Variants in DOK6 observed in about 807,000 individuals in gnomAD.
DOK6 encodes downstream of tyrosine kinase 6.
DOK6 carries 22 observed loss-of-function variants against 44.0 expected under a neutral mutation model. That is an observed-to-expected ratio of 0.50 (90% CI 0.36 to 0.71). DOK6 has a LOEUF of 0.71. DOK6 is among the 30% of genes least tolerant of loss of function. DOK6 has a pLI of 0.00. For missense variants in DOK6, 340 were observed against 416.4 expected, an observed-to-expected ratio of 0.82 and a Z score of 1.60; for synonymous variants, 166 against 145.5, an observed-to-expected ratio of 1.14 and a Z score of -1.01.
chr18:69,521,545 T>TA (rs756398921), intron 1 of DOK6, among the ~76,000 whole-genome samples: 6 of 151,916 alleles, frequency 3.9e-5, no homozygotes, highest in Non-Finnish European at 8.8e-5. Context: ...TAAGTCCATT[T>TA]AAAAAAGACA....
intron 1 of DOK6, among the ~76,000 whole-genome samples, chr18:69,440,654 A>G (rs1486457539): frequency 6.6e-6 from 1 of 151,932 alleles, no homozygotes; most frequent in Non-Finnish European, 1.5e-5. Flanking sequence ...GTCCTCTAGC[A>G]TTTATTGTGT....
chr18:69,622,501 A>C (rs1433312716), intron 3 of DOK6, among the ~76,000 whole-genome samples: 1 of 152,182 alleles, frequency 6.6e-6, no homozygotes, highest in African/African-American at 2.4e-5. Context: ...TTTTTTGTTT[A>C]AGTATACTGT....
intron 2 of DOK6, among the ~76,000 whole-genome samples, chr18:69,575,000 C>G (rs2144605672): frequency 6.6e-6 from 1 of 152,206 alleles, no homozygotes; most frequent in Admixed American, 6.5e-5. Context: ...GAATTAATTA[C>G]TTAATGGATA....
intron 1 of DOK6, among the ~76,000 whole-genome samples, chr18:69,500,222 C>T (rs753299137): frequency 9.9e-5 from 15 of 152,226 alleles, no homozygotes; most frequent in South Asian, 2.1e-4. Context: ...AAGGCACTGA[C>T]GTTATCTTCT....
At chr18:69,785,543 G>T (rs1176551917) in intron 7 of DOK6, among the ~76,000 whole-genome samples, 1 of 151,940 alleles carries the variant, frequency 6.6e-6, no homozygotes, top group Non-Finnish European at 1.5e-5. Context: ...ATCAAGGCAG[G>T]TTTTTTTTCC....
At chr18:69,551,496 G>A (rs1982565296) in intron 1 of DOK6, among the ~76,000 whole-genome samples, 1 of 152,052 alleles carries the variant, frequency 6.6e-6, no homozygotes, top group South Asian at 2.1e-4. Flanking sequence ...AGTAGGGCAG[G>A]TAATATTTAT....
chr18:69,504,668 G>T (rs894617621), intron 1 of DOK6, among the ~76,000 whole-genome samples: 1 of 151,994 alleles, frequency 6.6e-6, no homozygotes, highest in Non-Finnish European at 1.5e-5. Context: ...TTCAATAAAA[G>T]TGACATTTTT....
chr18:69,619,355 G>C (rs562633115), intron 3 of DOK6, among the ~76,000 whole-genome samples: 232 of 152,326 alleles, frequency 1.5e-3, no homozygotes, highest in Non-Finnish European at 2.6e-3. Context: ...TTCCAAGATA[G>C]GCTCTGTGAA....
intron 3 of DOK6, among the ~76,000 whole-genome samples, chr18:69,622,750 G>A (rs183183798): frequency 1.3e-5 from 2 of 152,224 alleles, no homozygotes; most frequent in Non-Finnish European, 2.9e-5. Flanking sequence ...ACTGGCAGGT[G>A]CAACAATATT....
intron 1 of DOK6, among the ~76,000 whole-genome samples, chr18:69,432,304 A>C (rs1358744045): frequency 6.6e-6 from 1 of 152,118 alleles, no homozygotes; most frequent in Non-Finnish European, 1.5e-5. Flanking sequence ...CTTAGCCAGA[A>C]GTGCTGGTAT....
intron 3 of DOK6, among the ~76,000 whole-genome samples, chr18:69,610,149 A>G (rs1037952700): frequency 6.6e-6 from 1 of 152,224 alleles, no homozygotes; most frequent in African/African-American, 2.4e-5. Context: ...GGTAGAGCTC[A>G]TGTTAAGTGT....
intron 5 of DOK6, among the ~76,000 whole-genome samples, chr18:69,716,325 T>C (rs1254545563): frequency 6.6e-6 from 1 of 152,214 alleles, no homozygotes; most frequent in Non-Finnish European, 1.5e-5. Context: ...AAATATTTAG[T>C]TGAAAATGTC....
chr18:69,444,748 AT>A (rs1297788690), intron 1 of DOK6, among the ~76,000 whole-genome samples: 4 of 151,652 alleles, frequency 2.6e-5, no homozygotes, highest in African/African-American at 9.7e-5. Flanking sequence ...GATTCAAGAA[AT>A]TCTCCTGCCT....
intron 1 of DOK6, among the ~76,000 whole-genome samples, chr18:69,479,212 T>C (rs925023615): frequency 6.6e-6 from 1 of 152,094 alleles, no homozygotes; most frequent in East Asian, 1.9e-4. Context: ...AATGGAGATA[T>C]TAAGTTTGTA....
chr18:69,449,522 TTAAATAA>T (rs1255924953), intron 1 of DOK6, among the ~76,000 whole-genome samples: 3 of 152,246 alleles, frequency 2.0e-5, no homozygotes, highest in African/African-American at 7.2e-5. Flanking sequence ...TTATTGGGTC[TTAAATAA>T]TATATAACCA....
At chr18:69,840,526 G>A (rs1044607708) in intron 7 of DOK6, among the ~76,000 whole-genome samples, 1 of 152,192 alleles carries the variant, frequency 6.6e-6, no homozygotes, top group Non-Finnish European at 1.5e-5. Context: ...TTCTGTTTTC[G>A]GTTTGCGATA....
At chr18:69,726,293 C>A (rs1178376691) in intron 5 of DOK6, among the ~76,000 whole-genome samples, 1 of 152,180 alleles carries the variant, frequency 6.6e-6, no homozygotes, top group Non-Finnish European at 1.5e-5. Context: ...ACTCTGGACT[C>A]AATCCTTGTT....
intron 1 of DOK6, among the ~76,000 whole-genome samples, chr18:69,554,291 C>T (rs565271269): frequency 5.3e-5 from 8 of 152,222 alleles, no homozygotes; most frequent in African/African-American, 1.9e-4. Context: ...ACACCAGGAC[C>T]TCCCACTAAA....
intron 2 of DOK6, among the ~76,000 whole-genome samples, chr18:69,597,189 A>T (rs747875913): frequency 2.6e-5 from 4 of 152,168 alleles, no homozygotes; most frequent in Non-Finnish European, 4.4e-5. Flanking sequence ...TGAGATTTCT[A>T]TATTTCACTG....
Sources: gnomAD v4.1 joint callset for allele counts (sites outside exome capture counted in the v4.1 genomes callset) on GRCh38, gnomAD v4.1.1 for gene constraint, MANE v1.5 for transcripts, NCBI Gene and HGNC (gene_info 2026-07-23, HGNC 2026-07-21) for gene names.